The following TPM4 variants were observed in gnomAD, a reference collection of about 807,000 sequenced individuals.
The protein encoded by TPM4 is tropomyosin 4.
Under a neutral mutation model 35.8 loss-of-function variants are expected in TPM4, and 17 were observed. That is an observed-to-expected ratio of 0.47 (90% confidence interval 0.32 to 0.71). TPM4 has a LOEUF of 0.71. Ranked by LOEUF, TPM4 falls within the 30% of genes least tolerant of loss-of-function variation. The pLI, the probability that TPM4 is intolerant of heterozygous loss-of-function variation, is 0.03. For synonymous variants in TPM4, 120 were observed against 122.9 expected (o/e 0.98, Z 0.15); for missense variants, 240 against 320.9 (o/e 0.75, Z 1.93).
chr19:16,087,953 G>C, intron 3 of TPM4, 74 bp from the exon 4 acceptor site: 1 of 1,505,776 alleles, frequency 6.6e-7, no homozygotes, highest in South Asian at 1.2e-5. Context: ...GCATCATTGG[G>C]GGCTGTCTGC....
chr19:16,075,950 C>A, upstream of TPM4: 1 of 1,472,620 alleles, frequency 6.8e-7, no homozygotes, highest in South Asian at 1.4e-5. Context: ...CAGAGAGAGA[C>A]GGAGGACTCT....
At chr19:16,076,969 G>C (rs981551442) in intron 1 of TPM4, 8 of 515,426 alleles carry the variant, frequency 1.6e-5, no homozygotes, top group Non-Finnish European at 2.2e-5. Flanking sequence ...ATGGGGCGGA[G>C]GGGGTGAGCG....
chr19:16,101,124 T>G (rs1252845932), intron 7 of TPM4, 140 bp from the exon 8 acceptor site: 1 of 586,038 alleles, frequency 1.7e-6, no homozygotes, highest in Non-Finnish European at 2.9e-6. Context: ...TGAGCCAAGA[T>G]CGCGCCACTG....
At chr19:16,074,074 C>T (rs10413573), upstream of TPM4, among the ~76,000 whole-genome samples, 950 of 149,676 alleles carry the variant, frequency 6.3e-3, 5 homozygotes, top group African/African-American at 0.023. Flanking sequence ...GTACATTTTG[C>T]ACATCCACTC....
intron 2 of TPM4, among the ~76,000 whole-genome samples, chr19:16,069,980 G>T (rs1331124033): frequency 6.6e-6 from 1 of 151,744 alleles, no homozygotes; most frequent in Non-Finnish European, 1.5e-5. Flanking sequence ...CCAGGAGAAT[G>T]GCACGGCATG....
At chr19:16,087,602 G>A (rs2090572382) in intron 3 of TPM4, among the ~76,000 whole-genome samples, 1 of 151,902 alleles carries the variant, frequency 6.6e-6, no homozygotes, top group African/African-American at 2.4e-5. Context: ...TAAAAAAGAG[G>A]CCAGGTGTGG....
intron 7 of TPM4, among the ~76,000 whole-genome samples, chr19:16,099,084 G>GTGTGT (rs1370103916): frequency 1.3e-5 from 2 of 151,614 alleles, no homozygotes; most frequent in Non-Finnish European, 2.9e-5. Flanking sequence ...GTGTGTGTGT[G>GTGTGT]TGTGTGTGTG....
At chr19:16,082,895 G>A (rs1384055487) in intron 2 of TPM4, among the ~76,000 whole-genome samples, 1 of 151,518 alleles carries the variant, frequency 6.6e-6, no homozygotes, top group Non-Finnish European at 1.5e-5. Context: ...AAGAGGCTGA[G>A]GTGGGAGGAT....
chr19:16,088,086 G>C lies in TPM4; in HGVS notation c.444G>C (p.Glu148Asp). The change falls in exon 4 of 8, where the codon GAG (glutamate) becomes GAC (aspartate). Residue 148 changes from glutamate to aspartate, a missense_variant. By Grantham distance (45) the Glu-to-Asp change is conservative. Coordinates refer to ENST00000643579, the MANE Select transcript of TPM4 (RefSeq NM_003290.3). ...GELERAEERA[E>D]VSELKCGDLE... ...TGGAGAGGGCAGAGGAGCGTGCGGA[G>C]GTGTCTGAACTGTGAGTGGCAGAAC... 1.9e-6 allele frequency: 3 copies of C among 1,611,844 alleles called. No individual in the cohort carries two copies. Among genetic ancestry groups the C allele is most frequent in the Non-Finnish European group, 2.5e-6 (3 of 1,179,328 alleles).
chr19:16,096,936 C>CTTTTTTTTTTTTTT lies in TPM4; in HGVS notation c.664+3204_664+3217dup, dbSNP rs71178641. On this transcript the variant is annotated intron_variant, in intron 7 of 7. Transcript: ENST00000643579. ...GGAATATGGAGAAAACAAGGTCACT[C>CTTTTTTTTTTTTTT]TTTTTTTTTTTTTTTTTTTTTTTTT... Among the ~76,000 whole-genome samples, 6 of 69,048 alleles carry CTTTTTTTTTTTTTT rather than the reference C, an allele frequency of 8.7e-5. 1 individual carries two copies. The highest frequency in any genetic ancestry group is 2.8e-4 in the African/African-American group (5 of 18,006). 45.3% of individuals were successfully genotyped at this position (69,048 alleles called of 152,430 possible).
At chr19:16,082,105 C>G (rs1273772990) in intron 2 of TPM4, 59 bp downstream of exon 2, 1 of 1,553,338 alleles carries the variant, frequency 6.4e-7, no homozygotes, top group African/African-American at 1.4e-5. Context: ...GGGGATCATG[C>G]TGCCGACCTC....
At chr19:16,083,757 C>CTT (rs573965261) in intron 2 of TPM4, among the ~76,000 whole-genome samples, 5,220 of 120,596 alleles carry the variant, frequency 0.043, 206 homozygotes, top group African/African-American at 0.087. Flanking sequence ...AGATTCATTT[C>CTT]TTTTTTTTTT....
chr19:16,099,050 C>T (rs1361571073), intron 7 of TPM4, among the ~76,000 whole-genome samples: 1 of 150,098 alleles, frequency 6.7e-6, no homozygotes, highest in Non-Finnish European at 1.5e-5. Context: ...AGAATCCTCC[C>T]AGGTCATAGT....
At chr19:16,088,459 T>G (rs1247613526) in intron 4 of TPM4, 2 of 1,073,280 alleles carry the variant, frequency 1.9e-6, no homozygotes. Flanking sequence ...CCGGTCAGTA[T>G]GTAAATGCTT....
chr19:16,076,737 TC>T, intron 1 of TPM4, 40 bp downstream of exon 1: 2 of 1,285,976 alleles, frequency 1.6e-6, no homozygotes, highest in African/African-American at 3.1e-5. Context: ...CGCAGCCTCC[TC>T]CCCCGCGCGC....
chr19:16,091,259 C>T (rs1340844072), intron 5 of TPM4, among the ~76,000 whole-genome samples: 1 of 152,056 alleles, frequency 6.6e-6, no homozygotes, highest in African/African-American at 2.4e-5. Context: ...ACCATGTTGG[C>T]CAGGCTCGTC....
chr19:16,091,044 C>T (rs1184949554), intron 5 of TPM4, among the ~76,000 whole-genome samples: 1 of 151,960 alleles, frequency 6.6e-6, no homozygotes, highest in East Asian at 1.9e-4. Context: ...CCACTAATAC[C>T]TCAGCTGCTT....
intron 1 of TPM4, among the ~76,000 whole-genome samples, chr19:16,077,555 G>T (rs1336163485): frequency 6.6e-6 from 1 of 152,154 alleles, no homozygotes; most frequent in East Asian, 1.9e-4. Context: ...TGGTGGCACC[G>T]CCAGGGTCTG....
At chr19:16,077,937 T>A (rs1240581738) in intron 1 of TPM4, 2 of 352,456 alleles carry the variant, frequency 5.7e-6, no homozygotes, top group Non-Finnish European at 5.1e-6. Flanking sequence ...AATTTTTTTT[T>A]TTTTATTTTG....
Sources: gnomAD v4.1 joint callset for allele counts (sites outside exome capture counted in the v4.1 genomes callset) on GRCh38, gnomAD v4.1.1 for gene constraint, MANE v1.5 for transcripts, NCBI Gene and HGNC (gene_info 2026-07-23, HGNC 2026-07-21) for gene names.